Variants in USH2A observed in about 807,000 individuals in gnomAD.
USH2A encodes the protein usherin.
Under a neutral mutation model 538.9 loss-of-function variants are expected in USH2A, and 443 were observed. The observed-to-expected ratio is 0.82, with a 90% CI of 0.76 to 0.89. The LOEUF is 0.89. Ranked by LOEUF, USH2A falls within the 40% of genes least tolerant of loss-of-function variation. The pLI is 0.00. For missense variants in USH2A, 6,633 were observed against 6,324.8 expected (o/e 1.05, Z -1.65); for synonymous variants, 2,413 against 2,273.5 (o/e 1.06, Z -1.75).
At chr1:215,980,572 T>C (rs771677361) in intron 35 of USH2A, among the ~76,000 whole-genome samples, 3 of 152,144 alleles carry the variant, frequency 2.0e-5, no homozygotes, top group African/African-American at 7.2e-5. Context: ...CTGTCCATAA[T>C]TGGATCCCTT....
chr1:215,989,832 A>G (rs1667962920), intron 35 of USH2A, among the ~76,000 whole-genome samples: 1 of 152,070 alleles, frequency 6.6e-6, no homozygotes, highest in Non-Finnish European at 1.5e-5. Context: ...GATGTAACAA[A>G]AATCCAGGGG....
In USH2A at chr1:215,925,921, A is replaced by T. The variant is rs116167572; in HGVS notation, c.7300+8695T>A. Among the ~76,000 whole-genome samples, 590 of 152,302 alleles carry T rather than the reference A, an allele frequency of 3.9e-3. 5 individuals are homozygous for T. Among genetic ancestry groups the T allele is most frequent in the African/African-American group, 0.014 (566 of 41,592 alleles). Reference sequence around the variant, plus strand: ...ATTAGTTTTATTTTTAAAAAGTAGCATCTTGACATTGTACTAAGTTGATTT... The same window carrying T: ...ATTAGTTTTATTTTTAAAAAGTAGCTTCTTGACATTGTACTAAGTTGATTT... On this transcript the variant is annotated intron_variant, in intron 38 of 71. Transcript: ENST00000307340.
intron 37 of USH2A, among the ~76,000 whole-genome samples, chr1:215,959,854 A>ACTCT (rs997837326): frequency 6.6e-6 from 1 of 152,052 alleles, no homozygotes; most frequent in Non-Finnish European, 1.5e-5. Flanking sequence ...TGCCTTAGAA[A>ACTCT]CTCTGACACA....
At chr1:215,640,844 C>CAAAAAAAA (rs56212994) in intron 67 of USH2A, 110 bp from the exon 68 acceptor site, 66 of 496,760 alleles carry the variant, frequency 1.3e-4, no homozygotes, top group South Asian at 6.4e-4. Context: ...CCAATCCAAA[C>CAAAAAAAA]AAAAAAAAAA....
At chr1:215,702,715 C>CT (rs1044912526) in intron 61 of USH2A, among the ~76,000 whole-genome samples, 33 of 151,518 alleles carry the variant, frequency 2.2e-4, no homozygotes, top group African/African-American at 8.0e-4. Flanking sequence ...TTCCTGTAAC[C>CT]TTTTTTTTCA....
At chr1:215,876,238 C>A (rs1571771247) in intron 43 of USH2A, among the ~76,000 whole-genome samples, 1 of 152,166 alleles carries the variant, frequency 6.6e-6, no homozygotes, top group Middle Eastern at 3.4e-3. Flanking sequence ...CAACATGGAT[C>A]TGCTAGTAAT....
Position 215,779,958 on chromosome 1 carries a change from C to G in USH2A, c.10824G>C (p.Leu3608=), listed in dbSNP as rs767487401. 6.2e-7 allele frequency: 1 copy of G among 1,614,154 alleles called. No individual in the cohort carries two copies. Among genetic ancestry groups the G allele is most frequent in the South Asian group, 1.1e-5 (1 of 91,084 alleles). Residue 3608 remains leucine, a synonymous_variant, in exon 55 of 72, where the codon CTG becomes CTC. Coordinates refer to ENST00000307340, the MANE Select transcript of USH2A (RefSeq NM_206933.4). ...TTGATTTCTCAGGGACACTCCAGCTCAGATGCAGAGCCACTGCACTTAGGG... is the reference window on the plus strand; with the variant it reads ...TTGATTTCTCAGGGACACTCCAGCTGAGATGCAGAGCCACTGCACTTAGGG... The part of the protein sequence containing the change: ...ITALSAVALH[L]SWSVPEKSNG...
At position 216,276,469 on chromosome 1, in the gene USH2A, G is replaced by A. The variant is rs550485923; in HGVS notation, c.1971+12811C>T. Among the ~76,000 whole-genome samples, 40 of 152,184 alleles carry A rather than the reference G, an allele frequency of 2.6e-4. 1 individual carries two copies. In the South Asian group the frequency reaches 4.8e-3, roughly 18 times the overall value. On this transcript the variant is annotated intron_variant, in intron 11 of 71. Coordinates refer to ENST00000307340, the MANE Select transcript of USH2A (RefSeq NM_206933.4). ...GAGAATAATAGAAAGCCTCATCATC[G>A]GCTCTTTCTTGATTCTTGGAGTGTC...
At chr1:215,771,231 C>A (rs974803212) in intron 55 of USH2A, among the ~76,000 whole-genome samples, 17 of 151,848 alleles carry the variant, frequency 1.1e-4, no homozygotes, top group African/African-American at 4.1e-4. Context: ...GGCTTCCCAG[C>A]CTTATAACAA....
chr1:216,213,381 T>C (rs2035282082), intron 15 of USH2A, among the ~76,000 whole-genome samples: 1 of 152,084 alleles, frequency 6.6e-6, no homozygotes, highest in Non-Finnish European at 1.5e-5. Flanking sequence ...CTGTATTATG[T>C]CTGATCTTAG....
Position 215,788,040 on chromosome 1 carries a change from T to G in USH2A, c.10183-1166A>C, listed in dbSNP as rs150096959. Among the ~76,000 whole-genome samples the G allele has an allele frequency of 2.6e-3, 403 of 152,248 alleles. 1 individual carries two copies. Among genetic ancestry groups the G allele is most frequent in the Non-Finnish European group, 4.7e-3 (320 of 68,024 alleles). ...ATCCCACTATATATATATGTGTGTG[T>G]GTGTATGTGTGTGTATCTATCTATC... On this transcript the variant is annotated intron_variant, in intron 51 of 71. Transcript: ENST00000307340.
At position 216,190,234 on chromosome 1, in the gene USH2A, G is replaced by A. The variant is rs2034687815; in HGVS notation, c.4385C>T (p.Thr1462Ile). Residue 1462 changes from threonine (T) to isoleucine (I), a missense_variant, in exon 20 of 72, where the codon ACT becomes ATT. Coordinates refer to ENST00000307340, the MANE Select transcript of USH2A (RefSeq NM_206933.4). ...TAAAACTTGCTTACCTGCTGCTAAA[G>A]TTTGTCCTGCTCCCGAAGCACTGGT... ...CVTSASGAGQ[T>I]LAAAPAQLRP... 4 of 1,612,334 alleles carry A rather than the reference G, an allele frequency of 2.5e-6. No homozygotes were observed. Among genetic ancestry groups the A allele is most frequent in the Non-Finnish European group, 3.4e-6 (4 of 1,178,974 alleles).
At chr1:216,032,202 G>A (rs1669144467) in intron 32 of USH2A, among the ~76,000 whole-genome samples, 1 of 150,668 alleles carries the variant, frequency 6.6e-6, no homozygotes, top group Non-Finnish European at 1.5e-5. Context: ...CTTTTTTTTT[G>A]CATGCAGAGG....
intron 29 of USH2A, 52 bp from the exon 30 acceptor site, chr1:216,070,344 A>G: frequency 6.5e-7 from 1 of 1,539,448 alleles, no homozygotes; most frequent in Non-Finnish European, 9.0e-7. Flanking sequence ...TGAGAAGACT[A>G]TTGCTCCTAT....
intron 3 of USH2A, among the ~76,000 whole-genome samples, chr1:216,408,850 G>C (rs1223835050): frequency 6.6e-6 from 1 of 152,126 alleles, no homozygotes; most frequent in Admixed American, 6.6e-5. Flanking sequence ...AGACAATATG[G>C]AGAAGCTGCT....
In USH2A at chr1:216,198,303, A is replaced by T. The variant is rs1254845238; in HGVS notation, c.4081+12T>A. 6.2e-7 allele frequency: 1 copy of T among 1,613,910 alleles called. No individual in the cohort carries two copies. The highest frequency in any genetic ancestry group is 8.5e-7 in the Non-Finnish European group (1 of 1,179,934). Reference sequence around the variant, plus strand: ...AGGTTTTAAAAGTAGAATTTAAAACATTGATCTTTACCTGATTCTCCCGTT... The same window carrying T: ...AGGTTTTAAAAGTAGAATTTAAAACTTTGATCTTTACCTGATTCTCCCGTT... On this transcript the variant is annotated intron_variant, in intron 18 of 71. Transcript: ENST00000307340.
Position 216,180,668 on chromosome 1 carries a change from A to G in USH2A, c.4397-5186T>C, listed in dbSNP as rs376706688. Among the ~76,000 whole-genome samples, 128 of 152,236 alleles carry G rather than the reference A, an allele frequency of 8.4e-4. 2 individuals are homozygous for G. Among genetic ancestry groups the G allele is most frequent in the African/African-American group, 3.0e-3 (126 of 41,556 alleles). On this transcript the variant is annotated intron_variant, in intron 20 of 71. Coordinates refer to ENST00000307340, the MANE Select transcript of USH2A (RefSeq NM_206933.4). Reference sequence around the variant, plus strand: ...ATGAAGACTGTATGGCTGTGTCAATATCTTAAAGCATCATCAGCTTTCTAT... The same window carrying G: ...ATGAAGACTGTATGGCTGTGTCAATGTCTTAAAGCATCATCAGCTTTCTAT...
intron 64 of USH2A, among the ~76,000 whole-genome samples, chr1:215,655,553 A>G (rs1311355134): frequency 2.0e-5 from 3 of 151,904 alleles, no homozygotes; most frequent in African/African-American, 7.3e-5. Flanking sequence ...TTCTCCTCCT[A>G]ATTTTATTCT....
chr1:215,856,137 G>T (rs1159667234), intron 44 of USH2A, among the ~76,000 whole-genome samples: 1 of 152,046 alleles, frequency 6.6e-6, no homozygotes. Context: ...CAAAGACTTT[G>T]TGACAAAGAA....
Sources: allele counts gnomAD v4.1 joint callset (sites outside exome capture counted in the v4.1 genomes callset), GRCh38; gene constraint gnomAD v4.1.1; transcripts MANE v1.5; gene names NCBI Gene and HGNC (gene_info 2026-07-23, HGNC 2026-07-21).